Variants in SDK1 observed in about 807,000 individuals in gnomAD.
SDK1 encodes sidekick cell adhesion molecule 1, also known as protein sidekick-1.
A neutral mutation model predicts 245.5 loss-of-function variants in SDK1; 157 were observed. The observed-to-expected ratio is 0.64, with a 90% CI of 0.56 to 0.73. The LOEUF (loss-of-function observed/expected upper bound fraction) is 0.73, where lower values mean the gene tolerates loss of function less well. SDK1 is among the 30% of genes least tolerant of loss of function. SDK1 has a pLI of 0.00. For missense variants in SDK1, 3,583 were observed against 3,002.3 expected (o/e 1.19, Z -4.52); for synonymous variants, 1,647 against 1,278.5 (o/e 1.29, Z -6.15).
chr7:3,584,780 G>T lies in SDK1; in HGVS notation c.299-34300G>T, dbSNP rs184482172. Among the ~76,000 whole-genome samples, 318 of 151,564 alleles carry T rather than the reference G, an allele frequency of 2.1e-3. 4 individuals are homozygous for T. Among genetic ancestry groups the T allele is most frequent in the African/African-American group, 7.5e-3 (309 of 41,288 alleles). ...TCGCTGTCCCCCAGGCTGGAGTGCA[G>T]TGGCGCGATCTGGGCTCACTTCAAG... On this transcript the variant is annotated intron_variant, in intron 1 of 44. Coordinates refer to ENST00000404826, the MANE Select transcript of SDK1 (RefSeq NM_152744.4).
intron 1 of SDK1, among the ~76,000 whole-genome samples, chr7:3,600,551 G>GTTTTTTTTT (rs368644982): frequency 9.2e-6 from 1 of 109,054 alleles, no homozygotes; most frequent in Non-Finnish European, 1.9e-5. Context: ...ATTAGATGTA[G>GTTTTTTTTT]TTTTTTTTTT....
At chr7:4,127,293 A>C (rs1361500232) in intron 25 of SDK1, 88 bp from the exon 26 acceptor site, 3 of 983,014 alleles carry the variant, frequency 3.1e-6, no homozygotes, top group Middle Eastern at 2.1e-4. Context: ...TATTTCAAGG[A>C]CAACTTGATT....
chr7:3,805,097 A>G lies in SDK1; in HGVS notation c.714-16353A>G, dbSNP rs1779208405. On this transcript the variant is annotated intron_variant, in intron 4 of 44. Transcript: ENST00000404826. ...ATTAGTTTGATTTCACCATTTCACA[A>G]GGTACTCATATATCATGTTGGACAC... Among the ~76,000 whole-genome samples, 2 of 152,256 alleles carry G rather than the reference A, an allele frequency of 1.3e-5. 1 individual carries two copies. Among genetic ancestry groups the G allele is most frequent in the South Asian group, 4.1e-4 (2 of 4,832 alleles).
chr7:3,712,200 C>G (rs1785069697), intron 4 of SDK1, among the ~76,000 whole-genome samples: 1 of 152,182 alleles, frequency 6.6e-6, no homozygotes, highest in Non-Finnish European at 1.5e-5. Context: ...TTCCCCATCA[C>G]TTGCATTCCT....
intron 1 of SDK1, among the ~76,000 whole-genome samples, chr7:3,552,258 C>A (rs1261524304): frequency 6.6e-6 from 1 of 152,048 alleles, no homozygotes; most frequent in Non-Finnish European, 1.5e-5. Context: ...AGGATGGTCT[C>A]GATCGATCTC....
At chr7:4,013,176 G>A (rs1359151700) in intron 16 of SDK1, among the ~76,000 whole-genome samples, 1 of 152,230 alleles carries the variant, frequency 6.6e-6, no homozygotes, top group Non-Finnish European at 1.5e-5. Context: ...CTTTATAAAG[G>A]ACAGTTAGGC....
chr7:4,193,372 TTATATATATA>T (rs10536828), intron 35 of SDK1, among the ~76,000 whole-genome samples: 9 of 103,086 alleles, frequency 8.7e-5, no homozygotes, highest in South Asian at 6.1e-4. Flanking sequence ...ATTAAAATAT[TTATATATATA>T]TATATATATA....
chr7:4,244,847 G>A (rs1786748065), intron 43 of SDK1, among the ~76,000 whole-genome samples: 1 of 152,176 alleles, frequency 6.6e-6, no homozygotes, highest in Non-Finnish European at 1.5e-5. Context: ...GCCCTCCTCT[G>A]GAGGCCGCCC....
At chr7:3,951,696 C>G (rs201557565) in intron 6 of SDK1, 34 bp from the exon 7 acceptor site, 11 of 1,599,022 alleles carry the variant, frequency 6.9e-6, no homozygotes, top group Non-Finnish European at 9.4e-6. Flanking sequence ...CCCTGAGTCA[C>G]AATCGTCGTC....
chr7:3,306,717 AT>A (rs1264172751), intron 1 of SDK1, among the ~76,000 whole-genome samples: 1 of 152,144 alleles, frequency 6.6e-6, no homozygotes, highest in African/African-American at 2.4e-5. Flanking sequence ...AGTTGCCTTT[AT>A]GTTATTTCCA....
chr7:3,334,973 C>A (rs1450134640), intron 1 of SDK1, among the ~76,000 whole-genome samples: 1 of 151,948 alleles, frequency 6.6e-6, no homozygotes, highest in Non-Finnish European at 1.5e-5. Context: ...TTGGAGTTAT[C>A]CTTCATTTTT....
rs1306425631 is a variant in SDK1 at position 3,950,903 on chromosome 7, T to A, written c.848-20T>A. ...CCTGTACTTAGAGTTTCATGGACAT[T>A]TCTCTTTTCTCTGCCACAGGAGATG... On this transcript the variant is annotated intron_variant, in intron 5 of 44. Transcript: ENST00000404826. 1 of 1,597,278 alleles carries A rather than the reference T, an allele frequency of 6.3e-7. No homozygotes were observed. The highest frequency in any genetic ancestry group is 8.6e-7 in the Non-Finnish European group (1 of 1,164,902).
chr7:3,853,386 G>T (rs930891953), intron 5 of SDK1, among the ~76,000 whole-genome samples: 1 of 151,850 alleles, frequency 6.6e-6, no homozygotes, highest in Non-Finnish European at 1.5e-5. Context: ...AATCCAATCT[G>T]GCCTGTGTTT....
At chr7:3,399,014 T>G (rs1778810104) in intron 1 of SDK1, among the ~76,000 whole-genome samples, 1 of 152,074 alleles carries the variant, frequency 6.6e-6, no homozygotes, top group Non-Finnish European at 1.5e-5. Context: ...TCCGAGCTCT[T>G]TACATGTTGC....
intron 1 of SDK1, among the ~76,000 whole-genome samples, chr7:3,337,737 C>T (rs1298569793): frequency 6.6e-6 from 1 of 152,156 alleles, no homozygotes; most frequent in East Asian, 1.9e-4. Context: ...AAAAGCAGCA[C>T]AACATTTTTC....
At chr7:3,744,263 G>C (rs188398808) in intron 4 of SDK1, among the ~76,000 whole-genome samples, 1 of 151,026 alleles carries the variant, frequency 6.6e-6, no homozygotes, top group Non-Finnish European at 1.5e-5. Flanking sequence ...AATTACTGCC[G>C]AACCCCTTAC....
intron 31 of SDK1, among the ~76,000 whole-genome samples, chr7:4,160,501 A>T (rs1001699622): frequency 5.9e-5 from 9 of 152,034 alleles, no homozygotes; most frequent in Admixed American, 1.3e-4. Context: ...TTTGCAATGG[A>T]GTTGCATTGT....
chr7:3,344,148 A>T (rs1178500166), intron 1 of SDK1, among the ~76,000 whole-genome samples: 1 of 152,212 alleles, frequency 6.6e-6, no homozygotes, highest in East Asian at 1.9e-4. Flanking sequence ...CAGGGGAAAA[A>T]ATCTACAGAA....
chr7:3,596,441 C>G (rs760117904), intron 1 of SDK1, among the ~76,000 whole-genome samples: 1 of 152,086 alleles, frequency 6.6e-6, no homozygotes, highest in African/African-American at 2.4e-5. Flanking sequence ...GATGTCTGCT[C>G]TAAGGATTTT....
Sources: allele counts gnomAD v4.1 joint callset (sites outside exome capture counted in the v4.1 genomes callset), GRCh38; gene constraint gnomAD v4.1.1; transcripts MANE v1.5; gene names NCBI Gene and HGNC (gene_info 2026-07-23, HGNC 2026-07-21).